Variants in MICU3 observed in about 807,000 individuals in gnomAD.
The protein encoded by MICU3 is calcium uptake protein 3, mitochondrial.
MICU3 carries 62 observed loss-of-function variants against 66.5 expected under a neutral mutation model. That is an observed-to-expected ratio of 0.93 (90% CI 0.76 to 1.15). MICU3 has a LOEUF of 1.15. Among genes scored for constraint, MICU3 ranks in the 50% most tolerant of loss-of-function variants. The probability of loss-of-function intolerance (pLI) is 0.00; values close to 1 mark genes in which losing one functional copy is unlikely to be tolerated. For missense variants in MICU3, 779 were observed against 664.4 expected, an observed-to-expected ratio of 1.17 and a Z score of -1.90; for synonymous variants, 308 against 240.7, an observed-to-expected ratio of 1.28 and a Z score of -2.59.
chr8:17,092,430 A>T (rs1800171395), intron 8 of MICU3, among the ~76,000 whole-genome samples: 1 of 151,952 alleles, frequency 6.6e-6, no homozygotes, highest in Non-Finnish European at 1.5e-5. Flanking sequence ...TTAAATCGCA[A>T]ATTTTATTTA....
chr8:17,055,172 T>G (rs1363728657), intron 1 of MICU3, among the ~76,000 whole-genome samples: 1 of 152,206 alleles, frequency 6.6e-6, no homozygotes, highest in Non-Finnish European at 1.5e-5. Context: ...TGGCTATGTC[T>G]AAGAATTTGG....
At chr8:17,082,883 G>A (rs1821410689) in intron 5 of MICU3, among the ~76,000 whole-genome samples, 1 of 152,132 alleles carries the variant, frequency 6.6e-6, no homozygotes, top group Admixed American at 6.6e-5. Flanking sequence ...ATGTGTACAT[G>A]CACTCACATA....
At chr8:17,096,409 A>G (rs1016260166) in intron 8 of MICU3, among the ~76,000 whole-genome samples, 2 of 151,862 alleles carry the variant, frequency 1.3e-5, no homozygotes, top group African/African-American at 4.8e-5. Flanking sequence ...TAGTTTGCAT[A>G]TTCTGAGAAT....
In MICU3 at chr8:17,096,941, C is replaced by T. The variant is rs181175391; in HGVS notation, c.889-1517C>T. On this transcript the variant is annotated intron_variant, in intron 8 of 14. Coordinates refer to ENST00000318063, the MANE Select transcript of MICU3 (RefSeq NM_181723.3). ...GTTAAACTAATTTTAGTTCTTAATA[C>T]GTTCTAAATATATTTGTGTGTGTGT... Among the ~76,000 whole-genome samples, 221 of 143,100 alleles carry T rather than the reference C, an allele frequency of 1.5e-3. 2 individuals carry two copies. Among genetic ancestry groups the T allele is most frequent in the African/African-American group, 5.5e-3 (212 of 38,362 alleles). The allele number at this position is 143,100 out of a possible 152,430, so 93.9% of individuals were successfully genotyped here. A position where few individuals can be genotyped will look rare whatever the true frequency, so the allele number is the denominator to read the frequency against.
At chr8:17,047,627 G>A (rs916321228) in intron 1 of MICU3, among the ~76,000 whole-genome samples, 5 of 152,174 alleles carry the variant, frequency 3.3e-5, no homozygotes, top group Admixed American at 6.5e-5. Flanking sequence ...GATTATAGAC[G>A]AATCCATCGC....
intron 6 of MICU3, among the ~76,000 whole-genome samples, chr8:17,085,615 C>A (rs1366729785): frequency 6.6e-6 from 1 of 151,874 alleles, no homozygotes; most frequent in Non-Finnish European, 1.5e-5. Flanking sequence ...TTATACATGC[C>A]CAATTAATAT....
chr8:17,042,236 A>G (rs1814262610), intron 1 of MICU3, among the ~76,000 whole-genome samples: 1 of 152,242 alleles, frequency 6.6e-6, no homozygotes, highest in African/African-American at 2.4e-5. Flanking sequence ...CACCAAACTT[A>G]TAATACAATG....
At chr8:17,072,923 G>T (rs1189331270) in intron 3 of MICU3, among the ~76,000 whole-genome samples, 5 of 152,116 alleles carry the variant, frequency 3.3e-5, no homozygotes, top group Non-Finnish European at 7.4e-5. Flanking sequence ...GTCTCTCCCT[G>T]TCACCCAGGC....
chr8:17,133,243 T>A, the MICU3 span, among the ~76,000 whole-genome samples: 7 of 152,218 alleles, frequency 4.6e-5, no homozygotes, highest in Non-Finnish European at 8.8e-5. Context: ...AGTTGTTTGT[T>A]TGTTTTTAAT....
rs777784151 is a variant in MICU3 at position 17,027,253 on chromosome 8, C to G, written c.-27C>G. 1 of 1,236,806 alleles carries G rather than the reference C, an allele frequency of 8.1e-7. No homozygotes were observed. The highest frequency in any genetic ancestry group is 1.0e-6 in the Non-Finnish European group (1 of 960,000). 76.6% of individuals were successfully genotyped at this position (1,236,806 alleles called of 1,614,324 possible). On this transcript the variant is annotated 5_prime_UTR_variant, in exon 1 of 15. Transcript: ENST00000318063. ...CCGCCCCTCCGTTCTCTGCCCCCTC[C>G]CAGCTCTGGTGTGGGCGGCCTCCGC...
At chr8:17,096,124 C>G (rs947986232) in intron 8 of MICU3, among the ~76,000 whole-genome samples, 1 of 151,828 alleles carries the variant, frequency 6.6e-6, no homozygotes, top group African/African-American at 2.4e-5. Flanking sequence ...CAAAGATAAC[C>G]GAGAAAACTT....
intron 11 of MICU3, among the ~76,000 whole-genome samples, chr8:17,106,366 C>A (rs1801736813): frequency 6.6e-6 from 1 of 151,348 alleles, no homozygotes; most frequent in African/African-American, 2.4e-5. Flanking sequence ...AAAAAGACTT[C>A]ATGCATTTGG....
intron 1 of MICU3, among the ~76,000 whole-genome samples, chr8:17,052,363 C>G (rs879869296): frequency 1.3e-5 from 2 of 152,110 alleles, no homozygotes; most frequent in Admixed American, 6.5e-5. Flanking sequence ...AAGAACATTT[C>G]AAATCTTCTC....
chr8:17,082,991 G>C (rs1821423729), intron 5 of MICU3, among the ~76,000 whole-genome samples: 1 of 152,132 alleles, frequency 6.6e-6, no homozygotes, highest in African/African-American at 2.4e-5. Context: ...AACAGAGAAA[G>C]AGTAATTTAC....
intron 8 of MICU3, among the ~76,000 whole-genome samples, chr8:17,095,001 CTAAATTTCAGCGGT>C (rs1389632444): frequency 6.6e-6 from 1 of 151,998 alleles, no homozygotes; most frequent in Non-Finnish European, 1.5e-5. Context: ...TAATCTGATA[CTAAATTTCAGCGGT>C]TAAATTTCTA....
chr8:17,093,908 TA>T (rs1433437505), intron 8 of MICU3, among the ~76,000 whole-genome samples: 2 of 151,912 alleles, frequency 1.3e-5, no homozygotes, highest in African/African-American at 4.8e-5. Flanking sequence ...AAATATACAA[TA>T]AAATAAATAA....
downstream of MICU3, among the ~76,000 whole-genome samples, chr8:17,126,799 G>A (rs533232909): frequency 1.3e-5 from 2 of 152,200 alleles, no homozygotes; most frequent in East Asian, 1.9e-4. Flanking sequence ...TAAATTTGTG[G>A]AACTACCACA....
At chr8:17,111,915 C>T (rs1802235241) in intron 11 of MICU3, among the ~76,000 whole-genome samples, 1 of 152,138 alleles carries the variant, frequency 6.6e-6, no homozygotes, top group Admixed American at 6.5e-5. Context: ...CCTGAGAAAA[C>T]TTACAATCAT....
intron 1 of MICU3, among the ~76,000 whole-genome samples, chr8:17,050,993 G>A (rs974027940): frequency 3.3e-5 from 5 of 152,006 alleles, no homozygotes; most frequent in African/African-American, 1.2e-4. Flanking sequence ...TCTCTCCCTC[G>A]AGTAGTTTGA....
Sources: allele counts gnomAD v4.1 joint callset (sites outside exome capture counted in the v4.1 genomes callset), GRCh38; gene constraint gnomAD v4.1.1; transcripts MANE v1.5; gene names NCBI Gene and HGNC (gene_info 2026-07-23, HGNC 2026-07-21).